ADAMTS3: variants seen among roughly 807,000 people sequenced by gnomAD.
ADAMTS3 encodes the protein A disintegrin and metalloproteinase with thrombospondin motifs 3.
Under a neutral mutation model 129.0 loss-of-function variants are expected in ADAMTS3, and 73 were observed. The ratio of observed to expected loss-of-function variants is 0.57; its 90% confidence interval spans 0.47 to 0.69. The LOEUF (loss-of-function observed/expected upper bound fraction) is 0.69. Among genes scored for constraint, ADAMTS3 ranks in the 30% least tolerant of loss-of-function variants. ADAMTS3 has a pLI of 0.00. For synonymous variants in ADAMTS3, 477 were observed against 510.8 expected (o/e 0.93, Z 0.89); for missense variants, 1,457 against 1,514.5 (o/e 0.96, Z 0.63).
intron 21 of ADAMTS3, 30 bp from the exon 22 acceptor site, chr4:72,283,734 A>C: frequency 1.3e-6 from 2 of 1,501,912 alleles, no homozygotes; most frequent in Non-Finnish European, 1.8e-6. Flanking sequence ...ATAAACTAAC[A>C]CTAGCATCTA....
chr4:72,454,482 G>A (rs187162711), intron 3 of ADAMTS3, among the ~76,000 whole-genome samples: 61 of 151,792 alleles, frequency 4.0e-4, no homozygotes, highest in Middle Eastern at 6.8e-3. Flanking sequence ...TAGAAAGCCC[G>A]ACAAGTTCAG....
rs373312832 is a variant in ADAMTS3, at chr4:72,320,815, C to T, written c.1001G>A (p.Arg334His). 9.7e-5 allele frequency: 156 copies of T among 1,613,934 alleles called. No homozygotes were observed. Among genetic ancestry groups the T allele is most frequent in the South Asian group, 1.9e-4 (17 of 91,076 alleles). ...AGATCTTTGCTGTTGGGACGCCCAGCGACACACATTCTCCAAGCTTCTGGA... is the reference window on the plus strand; with the variant it reads ...AGATCTTTGCTGTTGGGACGCCCAGTGACACACATTCTCCAAGCTTCTGGA... ...NPSRSLENVCRWASQQQRSDL... is the reference protein window; with the variant it reads ...NPSRSLENVCHWASQQQRSDL... Residue 334 changes from arginine to histidine, a missense_variant, in exon 7 of 22, where the codon CGC becomes CAC. By Grantham distance (29) the Arg-to-His change is conservative. Coordinates refer to ENST00000286657, the MANE Select transcript of ADAMTS3 (RefSeq NM_014243.3).
intron 3 of ADAMTS3, among the ~76,000 whole-genome samples, chr4:72,428,798 A>T (rs1348085148): frequency 2.0e-5 from 3 of 152,012 alleles, no homozygotes; most frequent in Non-Finnish European, 4.4e-5. Flanking sequence ...TCCCAATTCA[A>T]TTACTCTATT....
At chr4:72,328,570 T>C (rs939172155) in intron 5 of ADAMTS3, among the ~76,000 whole-genome samples, 10 of 152,298 alleles carry the variant, frequency 6.6e-5, no homozygotes, top group Non-Finnish European at 1.3e-4. Context: ...GCATGTTATT[T>C]GTCTCTGTGC....
In ADAMTS3 at chr4:72,288,054, C is replaced by A. The variant is rs144452480; in HGVS notation, c.3049+697G>T. On this transcript the variant is annotated intron_variant, in intron 21 of 21. Transcript: ENST00000286657. ...CTAATTTTTGTATTTTTAGTAGAGA[C>A]AGGGTTTTACCATGTTGTTCAGGCT... 9.3e-3 allele frequency among the ~76,000 whole-genome samples: 1,418 copies of A among 152,184 alleles called. 28 individuals are homozygous for A. The highest frequency in any genetic ancestry group is 0.032 in the African/African-American group (1,338 of 41,526).
At chr4:72,541,921 T>C (rs1412670650) in intron 3 of ADAMTS3, among the ~76,000 whole-genome samples, 1 of 152,234 alleles carries the variant, frequency 6.6e-6, no homozygotes, top group African/African-American at 2.4e-5. Context: ...TGTTATTTAC[T>C]CTGTGTATGT....
intron 3 of ADAMTS3, among the ~76,000 whole-genome samples, chr4:72,543,138 A>G (rs1721376642): frequency 1.3e-5 from 2 of 152,200 alleles, no homozygotes; most frequent in African/African-American, 4.8e-5. Context: ...TTTTGCATCA[A>G]AATAAACTTG....
chr4:72,530,157 A>G (rs1273511919), intron 3 of ADAMTS3, among the ~76,000 whole-genome samples: 2 of 72,180 alleles, frequency 2.8e-5, no homozygotes, highest in East Asian at 4.3e-4. Flanking sequence ...ATTAAATTAT[A>G]TTATATATTA....
intron 3 of ADAMTS3, among the ~76,000 whole-genome samples, chr4:72,512,429 T>C (rs924416972): frequency 3.3e-5 from 5 of 151,914 alleles, no homozygotes; most frequent in African/African-American, 1.2e-4. Flanking sequence ...GAGGCAGAGG[T>C]TGCAGTCAGC....
intron 3 of ADAMTS3, among the ~76,000 whole-genome samples, chr4:72,524,584 T>C (rs1720761087): frequency 6.6e-6 from 1 of 152,078 alleles, no homozygotes; most frequent in Non-Finnish European, 1.5e-5. Flanking sequence ...ATCACCATTT[T>C]ACTAATGAGG....
chr4:72,494,736 T>A (rs1047078026), intron 3 of ADAMTS3, among the ~76,000 whole-genome samples: 6 of 152,162 alleles, frequency 3.9e-5, no homozygotes, highest in African/African-American at 1.4e-4. Flanking sequence ...GATATTTACC[T>A]AAGGTAGGGT....
Position 72,460,844 on chromosome 4 carries a change from C to G in ADAMTS3, c.505-45873G>C, listed in dbSNP as rs1307488052. Among the ~76,000 whole-genome samples the G allele has an allele frequency of 2.6e-5, 4 of 151,768 alleles. No homozygotes were observed. In the South Asian group the frequency reaches 8.3e-4, roughly 31 times the overall value. On this transcript the variant is annotated intron_variant, in intron 3 of 21. Coordinates refer to ENST00000286657, the MANE Select transcript of ADAMTS3 (RefSeq NM_014243.3). ...AAAAGATATACAAAAATGTTCACAACATTTGACTAATAAATTTCTTTTTGG... is the reference window on the plus strand; with the variant it reads ...AAAAGATATACAAAAATGTTCACAAGATTTGACTAATAAATTTCTTTTTGG...
chr4:72,326,558 A>G (rs1427602755), intron 5 of ADAMTS3, among the ~76,000 whole-genome samples: 1 of 151,956 alleles, frequency 6.6e-6, no homozygotes, highest in African/African-American at 2.4e-5. Flanking sequence ...CTGAGTCTCG[A>G]TTTTCTTGTT....
At chr4:72,390,072 A>G (rs993516689) in intron 4 of ADAMTS3, among the ~76,000 whole-genome samples, 23 of 152,174 alleles carry the variant, frequency 1.5e-4, no homozygotes, top group Non-Finnish European at 2.9e-4. Context: ...GAGAAAATCT[A>G]TTTCTAGTTT....
chr4:72,470,923 A>G (rs1719057051), intron 3 of ADAMTS3, among the ~76,000 whole-genome samples: 1 of 152,194 alleles, frequency 6.6e-6, no homozygotes, highest in African/African-American at 2.4e-5. Flanking sequence ...TATGTGATAT[A>G]AATAGGAAGT....
At chr4:72,401,994 C>T (rs1192491729) in intron 4 of ADAMTS3, among the ~76,000 whole-genome samples, 2 of 152,182 alleles carry the variant, frequency 1.3e-5, no homozygotes, top group Non-Finnish European at 2.9e-5. Flanking sequence ...GAATCGATCT[C>T]ATTGAATTAG....
intron 3 of ADAMTS3, among the ~76,000 whole-genome samples, chr4:72,453,595 TAA>T (rs901250680): frequency 6.6e-6 from 1 of 151,680 alleles, no homozygotes; most frequent in African/African-American, 2.4e-5. Context: ...AGTAAAGATT[TAA>T]AATTAGATAA....
At chr4:72,485,886 C>T (rs1660231079) in intron 3 of ADAMTS3, among the ~76,000 whole-genome samples, 1 of 152,274 alleles carries the variant, frequency 6.6e-6, no homozygotes, top group South Asian at 2.1e-4. Flanking sequence ...CCTGTTTGCC[C>T]CTTCCACCAT....
chr4:72,368,021 A>G (rs1036357738), intron 4 of ADAMTS3, among the ~76,000 whole-genome samples: 1 of 152,220 alleles, frequency 6.6e-6, no homozygotes, highest in Non-Finnish European at 1.5e-5. Flanking sequence ...ATGAAAATAT[A>G]TGAAAACAAA....
Sources: allele counts gnomAD v4.1 joint callset (sites outside exome capture counted in the v4.1 genomes callset), GRCh38; gene constraint gnomAD v4.1.1; transcripts MANE v1.5; gene names NCBI Gene and HGNC (gene_info 2026-07-23, HGNC 2026-07-21).